Variants in PC observed in about 807,000 individuals in gnomAD.
PC encodes the protein pyruvate carboxylase, mitochondrial.
Under a neutral mutation model 107.8 loss-of-function variants are expected in PC, and 46 were observed. The observed-to-expected ratio is 0.43, with a 90% CI of 0.34 to 0.55. PC has a LOEUF of 0.55. Ranked by LOEUF, PC falls within the 20% of genes least tolerant of loss-of-function variation. PC has a pLI of 0.04. For synonymous variants in PC, 662 were observed against 684.7 expected (o/e 0.97, Z 0.52); for missense variants, 1,241 against 1,643.1 (o/e 0.76, Z 4.23).
Position 66,863,071 on chromosome 11 carries a change from G to A in PC, c.1368+703C>T, listed in dbSNP as rs906071613. ...AGAATTATCTGGGAGGCCAGGCACG[G>A]TGGCTCACACCTGTAATCTCAGCAT... On this transcript the variant is annotated intron_variant, in intron 12 of 22. Transcript: ENST00000393960. 2.0e-5 allele frequency among the ~76,000 whole-genome samples: 3 copies of A among 152,234 alleles called. No homozygotes were observed. The South Asian group carries it at 6.2e-4, about 31-fold the overall frequency.
Position 66,849,650 on chromosome 11 carries a change from G to A in PC, c.3108C>T (p.Arg1036=). Residue 1036 remains arginine (R), a synonymous_variant, in exon 21 of 23, where the codon CGC becomes CGT. Coordinates refer to ENST00000393960, the MANE Select transcript of PC (RefSeq NM_001040716.2). ...TFGPLDSLNT[R]LFLQGPKIAE... is the part of the protein sequence containing the mutation. ...CGATCTTGGGTCCCTGCAGGAAGAG[G>A]CGAGTATTCAGGCTATCCAGGGGGC... 1 of 1,614,196 alleles carries A rather than the reference G, an allele frequency of 6.2e-7. No homozygotes were observed. The highest frequency in any genetic ancestry group is 8.5e-7 in the Non-Finnish European group (1 of 1,180,020).
rs750588691 is a variant in PC, at chr11:66,850,433, A to G, written c.2505T>C (p.Ser835=). The G allele has an allele frequency of 1.3e-5, 21 of 1,613,764 alleles. No individual in the cohort carries two copies. The highest frequency in any genetic ancestry group is 1.7e-5 in the Non-Finnish European group (20 of 1,179,994). Reference sequence around the variant, plus strand: ...GTCCCCGAGCCCCCTCCCAGTACTCACTGTAGTCAAACACGCGCTCCATGG... The same window carrying G: ...GTCCCCGAGCCCCCTCCCAGTACTCGCTGTAGTCAAACACGCGCTCCATGG... ...EVPMERVFDY[S]EYWEGARGLY... is the part of the protein sequence containing the mutation. Residue 835 remains serine (S), a synonymous_variant, in exon 19 of 23, where the codon AGT becomes AGC. Coordinates refer to ENST00000393960, the MANE Select transcript of PC (RefSeq NM_001040716.2).
At chr11:66,853,036 G>A (rs1044404671) in intron 13 of PC, 200 bp from the exon 14 acceptor site, 2 of 700,224 alleles carry the variant, frequency 2.9e-6, no homozygotes, top group Admixed American at 2.8e-5. Flanking sequence ...GGATGGAAAG[G>A]TGGGGTCTCT....
chr11:66,901,584 C>T (rs968411371), intron 3 of PC, among the ~76,000 whole-genome samples: 1 of 152,192 alleles, frequency 6.6e-6, no homozygotes, highest in Non-Finnish European at 1.5e-5. Flanking sequence ...AATTCTTCTG[C>T]TTCAGCCTCT....
rs549058256 is a variant in PC at position 66,879,065 on chromosome 11, C to T, written c.1-6906G>A. Reference sequence around the variant, plus strand: ...AACATCAGCTGCTGTCACTATCTTCCCAACTCCCTCCCCTCCCAGATGAAC... The same window carrying T: ...AACATCAGCTGCTGTCACTATCTTCTCAACTCCCTCCCCTCCCAGATGAAC... On this transcript the variant is annotated intron_variant, in intron 3 of 22. Transcript: ENST00000393960. Among the ~76,000 whole-genome samples, 9 of 152,300 alleles carry T rather than the reference C, an allele frequency of 5.9e-5. No homozygotes were observed. The East Asian group carries it at 1.7e-3, about 29-fold the overall frequency.
At chr11:66,930,064 C>A (rs927819077) in intron 3 of PC, among the ~76,000 whole-genome samples, 2 of 152,066 alleles carry the variant, frequency 1.3e-5, no homozygotes, top group African/African-American at 4.8e-5. Flanking sequence ...TTGGGACTTC[C>A]AAAGGATACT....
intron 12 of PC, chr11:66,860,395 T>C: frequency 1.3e-6 from 1 of 774,060 alleles, no homozygotes; most frequent in Non-Finnish European, 2.2e-6. Context: ...CAACAGGTGC[T>C]CACAGCCACC....
chr11:66,931,214 A>T (rs1366323374), intron 3 of PC, among the ~76,000 whole-genome samples: 1 of 151,922 alleles, frequency 6.6e-6, no homozygotes, highest in East Asian at 1.9e-4. Flanking sequence ...CTTCGTCTCT[A>T]CTAAAAATAC....
intron 3 of PC, among the ~76,000 whole-genome samples, chr11:66,917,947 G>A (rs966286289): frequency 2.6e-5 from 4 of 152,112 alleles, no homozygotes; most frequent in Non-Finnish European, 5.9e-5. Context: ...GGGACAAACT[G>A]GAAGCTGGTT....
intron 3 of PC, among the ~76,000 whole-genome samples, chr11:66,931,064 G>T (rs894642465): frequency 6.6e-6 from 1 of 151,994 alleles, no homozygotes; most frequent in Admixed American, 6.6e-5. Flanking sequence ...AAGAACAAGA[G>T]AATAAATATC....
intron 3 of PC, among the ~76,000 whole-genome samples, chr11:66,916,677 G>A (rs1948469912): frequency 2.6e-5 from 4 of 152,156 alleles, no homozygotes; most frequent in Non-Finnish European, 4.4e-5. Flanking sequence ...CAGAAAGGCC[G>A]GGTGTGGTGG....
chr11:66,862,904 C>G (rs1417707676), intron 12 of PC, among the ~76,000 whole-genome samples: 1 of 152,246 alleles, frequency 6.6e-6, no homozygotes, highest in Non-Finnish European at 1.5e-5. Flanking sequence ...CTCGGCTGCT[C>G]CTGAAGCACC....
At chr11:66,860,617 C>T (rs1247559459) in intron 12 of PC, 7 of 701,476 alleles carry the variant, frequency 1.0e-5, no homozygotes, top group South Asian at 7.4e-5. Context: ...GGCTTCCTGT[C>T]CACAGGGGCG....
Position 66,863,871 on chromosome 11 carries a change from G to A in PC, c.1271C>T (p.Ser424Phe). Residue 424 changes from serine to phenylalanine, a missense_variant, in exon 12 of 23, where the codon TCC becomes TTC. Coordinates refer to ENST00000393960, the MANE Select transcript of PC (RefSeq NM_001040716.2). ...GTGGGCAATGACTTTGACCAGCAGG[G>A]AGTCGTAGTGGGGCGAGATGACGGC... is the stretch of plus-strand genomic sequence containing the variant. ...QGAVISPHYDSLLVKVIAHGK... is the reference protein window; with the variant it reads ...QGAVISPHYDFLLVKVIAHGK... 1 of 1,614,132 alleles carries A rather than the reference G, an allele frequency of 6.2e-7. No individual in the cohort carries two copies. Among genetic ancestry groups the A allele is most frequent in the Non-Finnish European group, 8.5e-7 (1 of 1,180,028 alleles).
intron 9 of PC, among the ~76,000 whole-genome samples, chr11:66,869,505 C>T (rs1235146181): frequency 1.3e-5 from 2 of 152,092 alleles, no homozygotes; most frequent in African/African-American, 2.4e-5. Context: ...CTCACCAAAA[C>T]GATAAACCAG....
intron 11 of PC, among the ~76,000 whole-genome samples, chr11:66,865,065 T>C (rs961274644): frequency 1.3e-5 from 2 of 152,066 alleles, no homozygotes; most frequent in African/African-American, 2.4e-5. Flanking sequence ...GAAGTGGGGA[T>C]GGAGGGAGGC....
intron 12 of PC, among the ~76,000 whole-genome samples, chr11:66,855,188 C>T (rs751656513): frequency 1.3e-5 from 2 of 152,338 alleles, no homozygotes; most frequent in Non-Finnish European, 1.5e-5. Flanking sequence ...TTGTGACTGT[C>T]GGGTTGCCCA....
chr11:66,888,899 C>A (rs1017822520), intron 3 of PC, among the ~76,000 whole-genome samples: 2 of 152,034 alleles, frequency 1.3e-5, no homozygotes, highest in Non-Finnish European at 1.5e-5. Flanking sequence ...CATGGTGAAA[C>A]CCCGTCTCTA....
At chr11:66,859,784 G>A (rs766068762) in intron 12 of PC, 15 of 1,601,712 alleles carry the variant, frequency 9.4e-6, no homozygotes, top group African/African-American at 8.0e-5. Flanking sequence ...ATTTCTCCAC[G>A]CTGCCGGCCT....
Sources: allele counts gnomAD v4.1 joint callset (sites outside exome capture counted in the v4.1 genomes callset), GRCh38; gene constraint gnomAD v4.1.1; transcripts MANE v1.5; gene names NCBI Gene and HGNC (gene_info 2026-07-23, HGNC 2026-07-21).